Variants in GRID2 observed in about 807,000 individuals in gnomAD.
The protein encoded by GRID2 is glutamate ionotropic receptor delta type subunit 2.
GRID2 carries 33 observed loss-of-function variants against 114.8 expected under a neutral mutation model. The ratio of observed to expected loss-of-function variants is 0.29; its 90% CI spans 0.22 to 0.38. GRID2 has a LOEUF of 0.38. GRID2 is among the 10% of genes least tolerant of loss of function. GRID2 has a pLI of 1.00. For synonymous variants in GRID2, 505 were observed against 449.9 expected, an observed-to-expected ratio of 1.12 and a Z score of -1.55; for missense variants, 1,184 against 1,257.7, an observed-to-expected ratio of 0.94 and a Z score of 0.89.
intron 8 of GRID2, among the ~76,000 whole-genome samples, chr4:93,269,360 C>A (rs1347249): frequency 0.69 from 105,233 of 152,062 alleles, 36,903 homozygotes; most frequent in Middle Eastern, 0.85. Flanking sequence ...TGTGGAGAAG[C>A]AATTAAGTCA....
At chr4:93,397,475 G>GA (rs1176000320) in intron 9 of GRID2, among the ~76,000 whole-genome samples, 3 of 151,896 alleles carry the variant, frequency 2.0e-5, no homozygotes, top group Admixed American at 6.6e-5. Context: ...TTTCCTTTGA[G>GA]AAAAGAAAGC....
intron 2 of GRID2, among the ~76,000 whole-genome samples, chr4:92,887,463 T>A (rs1288151256): frequency 1.3e-5 from 2 of 152,212 alleles, no homozygotes; most frequent in African/African-American, 4.8e-5. Flanking sequence ...AGTACTTATG[T>A]GCAGAAATCA....
chr4:93,372,068 A>G (rs1762986839), intron 8 of GRID2, among the ~76,000 whole-genome samples: 1 of 152,116 alleles, frequency 6.6e-6, no homozygotes, highest in South Asian at 2.1e-4. Context: ...TTTTGTAATT[A>G]AAAAGTACAT....
At chr4:93,087,879 A>G (rs190919771) in intron 3 of GRID2, among the ~76,000 whole-genome samples, 126 of 152,256 alleles carry the variant, frequency 8.3e-4, no homozygotes, top group African/African-American at 2.9e-3. Flanking sequence ...GAAGAGGGCT[A>G]CTTGTATTTA....
At chr4:92,350,099 T>G (rs1288528242) in intron 1 of GRID2, among the ~76,000 whole-genome samples, 5 of 152,018 alleles carry the variant, frequency 3.3e-5, no homozygotes, top group African/African-American at 1.2e-4. Flanking sequence ...CACAACCTTT[T>G]CATTTTTCTG....
At chr4:92,757,281 ATG>A (rs1560574931) in intron 2 of GRID2, among the ~76,000 whole-genome samples, 1 of 152,102 alleles carries the variant, frequency 6.6e-6, no homozygotes, top group East Asian at 1.9e-4. Flanking sequence ...AACAGAATCT[ATG>A]TACTCAGTGG....
chr4:92,448,052 G>A (rs967503158), intron 1 of GRID2, among the ~76,000 whole-genome samples: 2 of 152,128 alleles, frequency 1.3e-5, no homozygotes, highest in Non-Finnish European at 2.9e-5. Flanking sequence ...TCATGATCAA[G>A]TAAACTTACA....
intron 1 of GRID2, among the ~76,000 whole-genome samples, chr4:92,513,791 G>C (rs1308979865): frequency 6.6e-6 from 1 of 151,784 alleles, no homozygotes; most frequent in African/African-American, 2.4e-5. Context: ...GAGTTGAAGG[G>C]TAAATAAATG....
At chr4:93,356,125 T>C (rs529346347) in intron 8 of GRID2, among the ~76,000 whole-genome samples, 42 of 152,202 alleles carry the variant, frequency 2.8e-4, no homozygotes, top group Non-Finnish European at 1.9e-4. Context: ...CGTATAAATA[T>C]AAACTTACCT....
chr4:93,302,054 T>C (rs993051170), intron 8 of GRID2, among the ~76,000 whole-genome samples: 6 of 152,124 alleles, frequency 3.9e-5, no homozygotes, highest in African/African-American at 1.4e-4. Flanking sequence ...AATAAAATCT[T>C]ATGAGAGCTC....
At chr4:92,927,812 CAAT>C (rs1749929552) in intron 2 of GRID2, among the ~76,000 whole-genome samples, 1 of 151,592 alleles carries the variant, frequency 6.6e-6, no homozygotes. Context: ...CAACACTTCT[CAAT>C]GATGAGGATT....
chr4:93,631,569 T>C (rs922347112), intron 14 of GRID2, among the ~76,000 whole-genome samples: 2 of 152,072 alleles, frequency 1.3e-5, no homozygotes, highest in African/African-American at 2.4e-5. Flanking sequence ...GGCTGCATAG[T>C]ATTCCATGGT....
intron 1 of GRID2, among the ~76,000 whole-genome samples, chr4:92,358,967 C>T (rs534026757): frequency 3.3e-5 from 5 of 151,850 alleles, no homozygotes; most frequent in South Asian, 2.1e-4. Context: ...TAGTAACATA[C>T]GTCTAAATAC....
At chr4:92,373,445 C>A (rs1729208513) in intron 1 of GRID2, among the ~76,000 whole-genome samples, 2 of 152,196 alleles carry the variant, frequency 1.3e-5, no homozygotes, top group Admixed American at 6.5e-5. Context: ...CAACTTCTAA[C>A]AATGTTGTAG....
intron 8 of GRID2, among the ~76,000 whole-genome samples, chr4:93,392,381 T>G (rs1296022205): frequency 6.6e-6 from 1 of 152,116 alleles, no homozygotes; most frequent in Non-Finnish European, 1.5e-5. Flanking sequence ...CTAAGTGAAA[T>G]TCTTCTAGTT....
intron 14 of GRID2, among the ~76,000 whole-genome samples, chr4:93,702,845 GA>G (rs916504139): frequency 3.3e-5 from 5 of 152,218 alleles, no homozygotes; most frequent in African/African-American, 1.2e-4. Context: ...CTAATGTGGG[GA>G]GACAGAAAAT....
At chr4:93,565,527 A>G (rs779071218) in intron 13 of GRID2, among the ~76,000 whole-genome samples, 56 of 152,164 alleles carry the variant, frequency 3.7e-4, no homozygotes, top group Non-Finnish European at 7.8e-4. Flanking sequence ...TGTTGCACGA[A>G]AAAACCTATT....
At chr4:92,436,746 CTACA>C (rs1354192467) in intron 1 of GRID2, among the ~76,000 whole-genome samples, 2 of 151,986 alleles carry the variant, frequency 1.3e-5, no homozygotes, top group Admixed American at 6.6e-5. Context: ...AGACTTATTT[CTACA>C]TACATTTAAT....
At chr4:92,415,773 T>TATATATATATATAC (rs1553932682) in intron 1 of GRID2, among the ~76,000 whole-genome samples, 4 of 129,388 alleles carry the variant, frequency 3.1e-5, no homozygotes, top group African/African-American at 1.3e-4. Flanking sequence ...TATATATATA[T>TATATATATATATAC]ATATATATCA....
Sources: allele counts gnomAD v4.1 joint callset (sites outside exome capture counted in the v4.1 genomes callset), GRCh38; gene constraint gnomAD v4.1.1; transcripts MANE v1.5; gene names NCBI Gene and HGNC (gene_info 2026-07-23, HGNC 2026-07-21).